COL18A1: variants seen among roughly 807,000 people sequenced by gnomAD.
COL18A1 encodes the protein collagen alpha-1(XVIII) chain.
A neutral mutation model predicts 168.0 loss-of-function variants in COL18A1; 133 were observed. That is an observed-to-expected ratio of 0.79 (90% CI 0.69 to 0.91). The LOEUF (loss-of-function observed/expected upper bound fraction) is 0.91, where lower values mean the gene tolerates loss of function less well. COL18A1 is among the 40% of genes least tolerant of loss of function. COL18A1 has a pLI of 0.00. For synonymous variants in COL18A1, 949 were observed against 809.0 expected (o/e 1.17, Z -2.94); for missense variants, 2,126 against 1,925.4 (o/e 1.10, Z -1.95).
At chr21:45,501,107 GGTGTGT>G (rs34746806) in intron 32 of COL18A1, among the ~76,000 whole-genome samples, 2 of 60,334 alleles carry the variant, frequency 3.3e-5, no homozygotes, top group Non-Finnish European at 7.4e-5. Flanking sequence ...GGTGTGGTTT[GGTGTGT>G]GTGTGTGTGT....
intron 40 of COL18A1, among the ~76,000 whole-genome samples, chr21:45,510,586 T>A (rs990585230): frequency 6.6e-6 from 1 of 151,690 alleles, no homozygotes; most frequent in African/African-American, 2.4e-5. Flanking sequence ...GTGATAGGGC[T>A]CACATACAAG....
In COL18A1 at chr21:45,509,418, G is replaced by A. The variant is rs753529450; in HGVS notation, c.3312G>A (p.Pro1104=). 2.9e-5 allele frequency: 44 copies of A among 1,538,228 alleles called. 1 individual carries two copies. The highest frequency in any genetic ancestry group is 1.3e-4 in the South Asian group (11 of 84,072). Reference sequence around the variant, plus strand: ...AGCTGCACGACAGCAACCCCTACCCGCGGCGGGAGCACCCCCACCCCACCG... The same window carrying A: ...AGCTGCACGACAGCAACCCCTACCCACGGCGGGAGCACCCCCACCCCACCG... ...VVQLHDSNPY[P]RREHPHPTAR... The change falls in exon 39 of 42, where the codon CCG becomes CCA. Residue 1104 remains proline, a synonymous_variant. Coordinates refer to ENST00000651438, the MANE Select transcript of COL18A1 (RefSeq NM_001379500.1).
At chr21:45,482,320 A>G (rs775375020) in intron 14 of COL18A1, 2 of 684,644 alleles carry the variant, frequency 2.9e-6, no homozygotes, top group East Asian at 5.6e-5. Flanking sequence ...GGCAGTGGCC[A>G]TGAGCCTCTG....
At position 45,423,820 on chromosome 21, in the gene COL18A1, C is replaced by T. The variant is rs2033700103; in HGVS notation, c.106+18347C>T. 6.6e-6 allele frequency: 1 copy of T among 152,318 alleles called. No individual in the cohort carries two copies. The highest frequency in any genetic ancestry group is 1.5e-5 in the Non-Finnish European group (1 of 68,118). The allele number at this position is 152,318 out of a possible 1,614,324, so 9.4% of individuals were successfully genotyped here. Reference sequence around the variant, plus strand: ...GACTCCGTGGTTCTGAGTTGGAGCCCTTACTGGCCAGTTTAAGACCCTCTT... The same window carrying T: ...GACTCCGTGGTTCTGAGTTGGAGCCTTTACTGGCCAGTTTAAGACCCTCTT... On this transcript the variant is annotated intron_variant, in intron 2 of 41. Coordinates refer to ENST00000651438, the MANE Select transcript of COL18A1 (RefSeq NM_001379500.1). The surrounding 1 kb of genome is among the most constrained non-coding windows in gnomAD (Gnocchi z 4.0).
At chr21:45,505,787 G>GGC in intron 36 of COL18A1, 51 bp from the exon 37 acceptor site, 2 of 1,248,152 alleles carry the variant, frequency 1.6e-6, no homozygotes, top group Non-Finnish European at 2.3e-6. Flanking sequence ...TTCCGCCCCT[G>GGC]CCCCCCGCCC....
At chr21:45,505,039 C>T in intron 34 of COL18A1, 95 bp from the exon 35 acceptor site, 1 of 1,514,366 alleles carries the variant, frequency 6.6e-7, no homozygotes, top group Non-Finnish European at 8.9e-7. Flanking sequence ...GCTGCGCTCG[C>T]CAAGGGGGTC....
Position 45,473,115 on chromosome 21 carries a change from C to G in COL18A1, c.652-780C>G, listed in dbSNP as rs1302735087. Among the ~76,000 whole-genome samples the G allele has an allele frequency of 6.6e-6, 1 of 152,240 alleles. No individual in the cohort carries two copies. Among genetic ancestry groups the G allele is most frequent in the Non-Finnish European group, 1.5e-5 (1 of 68,032 alleles). On this transcript the variant is annotated intron_variant, in intron 3 of 41. Transcript: ENST00000651438. This position sits in a 1 kb window ranked among gnomAD's most constrained non-coding sequence, Gnocchi z 4.0. ...GGCAGCCCCTTTTCCTGTCAAAGCCCCTCCCAGCGTCCTCTCCCCACCAGG... is the reference window on the plus strand; with the variant it reads ...GGCAGCCCCTTTTCCTGTCAAAGCCGCTCCCAGCGTCCTCTCCCCACCAGG...
At chr21:45,510,348 G>A in intron 40 of COL18A1, 87 bp downstream of exon 40, 1 of 1,372,024 alleles carries the variant, frequency 7.3e-7, no homozygotes, top group East Asian at 2.5e-5. Context: ...TCCCCTCTAG[G>A]GCCTCTGGAG....
chr21:45,439,982 T>A (rs1430710273), intron 2 of COL18A1, among the ~76,000 whole-genome samples: 1 of 152,186 alleles, frequency 6.6e-6, no homozygotes, highest in Non-Finnish European at 1.5e-5. Context: ...GTGCCCCGAC[T>A]CCGCACCTCC....
chr21:45,422,775 C>G, intron 2 of COL18A1: 1 of 217,528 alleles, frequency 4.6e-6, no homozygotes, highest in Non-Finnish European at 9.3e-6. Flanking sequence ...TGGGTGGTGT[C>G]AGGAAGGTCC....
At position 45,504,522 on chromosome 21, in the gene COL18A1, GCCCCCCA is replaced by G; in HGVS notation, c.2835_2841del (p.Pro946AlafsTer83). ...CTGCCCGGCCCCCCCGGCCCCCCAG[GCCCCCCA>G]GGCCCACGTGGCTACCCTGGGATTC... On this transcript the variant is annotated frameshift_variant, in exon 34 of 42. Transcript: ENST00000651438. LOFTEE classifies it high-confidence loss of function. 6.7e-7 allele frequency: 1 copy of G among 1,499,360 alleles called. No homozygotes were observed. The highest frequency in any genetic ancestry group is 9.1e-7 in the Non-Finnish European group (1 of 1,098,768). The allele number at this position is 1,499,360 out of a possible 1,614,324, so 92.9% of individuals were successfully genotyped here.
Position 45,473,523 on chromosome 21 carries a change from T to C in COL18A1, c.652-372T>C, listed in dbSNP as rs2035524163. On this transcript the variant is annotated intron_variant, in intron 3 of 41. Transcript: ENST00000651438. This position sits in a 1 kb window ranked among gnomAD's most constrained non-coding sequence, Gnocchi z 4.0. Reference sequence around the variant, plus strand: ...TGCGTAAAGCTCCCGGGACTTGGGGTTGGGGGACTTGACCTGCAGCCCCTC... The same window carrying C: ...TGCGTAAAGCTCCCGGGACTTGGGGCTGGGGGACTTGACCTGCAGCCCCTC... Among the ~76,000 whole-genome samples, 2 of 151,798 alleles carry C rather than the reference T, an allele frequency of 1.3e-5. No individual in the cohort carries two copies. The highest frequency in any genetic ancestry group is 4.2e-4 in the South Asian group (2 of 4,806).
At chr21:45,442,202 G>C (rs186869053) in intron 2 of COL18A1, among the ~76,000 whole-genome samples, 1 of 152,220 alleles carries the variant, frequency 6.6e-6, no homozygotes, top group East Asian at 1.9e-4. Flanking sequence ...GGCCATGACT[G>C]GATACCACCG....
At position 45,437,598 on chromosome 21, in the gene COL18A1, ACACT is replaced by A. The variant is rs1475085394; in HGVS notation, c.107-30641_107-30638del. Among the ~76,000 whole-genome samples, 21 of 76,202 alleles carry A rather than the reference ACACT, an allele frequency of 2.8e-4. 1 individual carries two copies. Among genetic ancestry groups the A allele is most frequent in the African/African-American group, 1.8e-3 (19 of 10,458 alleles). 50.0% of individuals were successfully genotyped at this position (76,202 alleles called of 152,430 possible). ...CTCTCCTGTACACACACACACTCAC[ACACT>A]CAGACACACAGGCACTCTCCTGCAC... is the stretch of plus-strand genomic sequence containing the variant. On this transcript the variant is annotated intron_variant, in intron 2 of 41. Transcript: ENST00000651438.
rs753709519 is a variant in COL18A1 at position 45,504,511 on chromosome 21, CGG to C, written c.2824_2825del (p.Gly942ProfsTer144). On this transcript the variant is annotated frameshift_variant, in exon 34 of 42. Transcript: ENST00000651438. LOFTEE classifies it high-confidence loss of function. ...TCGGCTCCAGCCTGCCCGGCCCCCC[CGG>C]CCCCCCAGGCCCCCCAGGCCCACGT... ...FFGSSLPGPPGPPGPPGPRGY... is the reference protein window; with the variant it reads ...FFGSSLPGPPXPPGPPGPRGY... 75 of 1,577,474 alleles carry C rather than the reference CGG, an allele frequency of 4.8e-5. No homozygotes were observed. Among genetic ancestry groups the C allele is most frequent in the South Asian group, 5.7e-5 (5 of 87,674 alleles).
chr21:45,447,953 C>T (rs879746056), intron 2 of COL18A1, among the ~76,000 whole-genome samples: 7 of 152,106 alleles, frequency 4.6e-5, no homozygotes, highest in Non-Finnish European at 7.3e-5. Flanking sequence ...CCAGCCTCCT[C>T]GGACTGGAAG....
intron 17 of COL18A1, 151 bp downstream of exon 17, chr21:45,487,660 G>A (rs578055871): frequency 2.0e-5 from 19 of 962,600 alleles, no homozygotes; most frequent in East Asian, 1.4e-4. Context: ...GCTGTGCCCC[G>A]CGGGCCACCC....
chr21:45,486,158 G>A lies in COL18A1; in HGVS notation c.1702-703G>A, dbSNP rs909691744. Among the ~76,000 whole-genome samples, 7 of 152,306 alleles carry A rather than the reference G, an allele frequency of 4.6e-5. No homozygotes were observed. In the South Asian group the frequency reaches 1.0e-3, roughly 23 times the overall value. On this transcript the variant is annotated intron_variant, in intron 15 of 41. Transcript: ENST00000651438. ...GCCTCCGGGCTCGCCTGCTTCTCAC[G>A]GCTTTCGGACTAATAGAGTCACCGC...
intron 41 of COL18A1, among the ~76,000 whole-genome samples, chr21:45,511,659 G>A (rs1049398981): frequency 1.3e-5 from 2 of 152,180 alleles, no homozygotes; most frequent in East Asian, 1.9e-4. Context: ...CCCAAATGTC[G>A]CTGTGCCCTC....
Sources: allele counts gnomAD v4.1 joint callset (sites outside exome capture counted in the v4.1 genomes callset), GRCh38; gene constraint gnomAD v4.1.1; non-coding constraint Gnocchi (gnomAD v3.1); transcripts MANE v1.5; gene names NCBI Gene and HGNC (gene_info 2026-07-23, HGNC 2026-07-21).